DNAH10: variants seen among roughly 807,000 people sequenced by gnomAD.
The protein encoded by DNAH10 is axonemal beta dynein heavy chain 10.
A neutral mutation model predicts 506.6 loss-of-function variants in DNAH10; 348 were observed. The observed-to-expected ratio is 0.69, with a 90% CI of 0.63 to 0.75. The LOEUF (loss-of-function observed/expected upper bound fraction) is 0.75, where lower values mean the gene tolerates loss of function less well. DNAH10 is among the 30% of genes least tolerant of loss of function. The pLI is 0.00. For synonymous variants in DNAH10, 2,059 were observed against 2,198.6 expected, an observed-to-expected ratio of 0.94 and a Z score of 1.78; for missense variants, 5,179 against 5,787.1, an observed-to-expected ratio of 0.89 and a Z score of 3.41.
intron 11 of DNAH10, among the ~76,000 whole-genome samples, chr12:123,793,505 A>AT (rs2136234987): frequency 6.6e-6 from 1 of 152,016 alleles, no homozygotes; most frequent in African/African-American, 2.4e-5. Flanking sequence ...TGCCCGGCTA[A>AT]TTTTTTGTAT....
At chr12:123,783,898 G>T in intron 7 of DNAH10, 49 bp from the exon 8 acceptor site, 1 of 1,527,260 alleles carries the variant, frequency 6.5e-7, no homozygotes, top group Non-Finnish European at 9.0e-7. Flanking sequence ...ATAAGTGTCT[G>T]CTCCACCCTA....
At position 123,873,769 on chromosome 12, in the gene DNAH10, G is replaced by GGT. The variant is rs776832942; in HGVS notation, c.7938+72_7938+73dup. The GGT allele has an allele frequency of 3.9e-4, 588 of 1,515,320 alleles. 5 individuals carry two copies. The South Asian group carries it at 6.5e-3, about 17-fold the overall frequency. 93.9% of individuals were successfully genotyped at this position (1,515,320 alleles called of 1,614,324 possible). On this transcript the variant is annotated intron_variant, in intron 46 of 78. Coordinates refer to ENST00000673944, the MANE Select transcript of DNAH10 (RefSeq NM_001372106.1). ...TCAAGACAGTGCTTGTGTTTGCATG[G>GGT]GTGTGTGTGTGTGTTAGAAGTGAGT...
chr12:123,886,191 A>G (rs2137109410), intron 51 of DNAH10, among the ~76,000 whole-genome samples: 1 of 152,300 alleles, frequency 6.6e-6, no homozygotes, highest in East Asian at 1.9e-4. Flanking sequence ...GTCCAGGTAA[A>G]TCTGAGGCAT....
In DNAH10 at chr12:123,769,544, G is replaced by A. The variant is rs563684683; in HGVS notation, c.298+1855G>A. On this transcript the variant is annotated intron_variant, in intron 2 of 78. Transcript: ENST00000673944. Reference sequence around the variant, plus strand: ...CAGCAATGTCTGCTGAGGTATCCTAGGAAGGCACTCTCGGCTTCGGAGCCC... The same window carrying A: ...CAGCAATGTCTGCTGAGGTATCCTAAGAAGGCACTCTCGGCTTCGGAGCCC... Among the ~76,000 whole-genome samples, 6 of 152,196 alleles carry A rather than the reference G, an allele frequency of 3.9e-5. No homozygotes were observed. In the South Asian group the frequency reaches 1.2e-3, roughly 32 times the overall value.
chr12:123,811,845 G>A (rs1395630594), intron 19 of DNAH10, among the ~76,000 whole-genome samples: 4 of 151,568 alleles, frequency 2.6e-5, no homozygotes, highest in African/African-American at 4.8e-5. Flanking sequence ...CGCTATTTTG[G>A]CCAGGATGGT....
intron 1 of DNAH10, among the ~76,000 whole-genome samples, chr12:123,763,485 G>A (rs1273860779): frequency 6.6e-6 from 1 of 152,068 alleles, no homozygotes; most frequent in Non-Finnish European, 1.5e-5. Context: ...CACTGGGTTC[G>A]GGTGGCAGGG....
intron 40 of DNAH10, among the ~76,000 whole-genome samples, chr12:123,865,743 A>G (rs921964332): frequency 6.6e-6 from 1 of 152,224 alleles, no homozygotes; most frequent in African/African-American, 2.4e-5. Flanking sequence ...TTTATAATAG[A>G]AAAACCAAAA....
chr12:123,933,224 C>A, intron 76 of DNAH10, 107 bp from the exon 77 acceptor site: 1 of 1,133,294 alleles, frequency 8.8e-7, no homozygotes, highest in Non-Finnish European at 1.2e-6. Context: ...TCTTTTGCCA[C>A]TTAGGTGAAA....
At position 123,879,647 on chromosome 12, in the gene DNAH10, T is replaced by C; in HGVS notation, c.8480T>C (p.Ile2827Thr). ...TTCTGTTTCAAGGTACAACAGCACATAGGCAGCTTGGTTGTGGAACATTTT... is the reference window on the plus strand; with the variant it reads ...TTCTGTTTCAAGGTACAACAGCACACAGGCAGCTTGGTTGTGGAACATTTT... ...ETDKQLVQQH[I>T]GSLVVEHFKD... Residue 2827 changes from isoleucine (I) to threonine (T), a missense_variant, in exon 50 of 79, where the codon ATA (isoleucine) becomes ACA (threonine). Ile to Thr is a moderately conservative substitution (Grantham distance 89). Around this residue, in one of 3 missense-constraint regions of DNAH10, gnomAD observed 4,844 missense variants for 5,430.5 expected, o/e 0.89. Coordinates refer to ENST00000673944, the MANE Select transcript of DNAH10 (RefSeq NM_001372106.1). 2 of 1,614,012 alleles carry C rather than the reference T, an allele frequency of 1.2e-6. No individual in the cohort carries two copies. Among genetic ancestry groups the C allele is most frequent in the South Asian group, 1.1e-5 (1 of 91,078 alleles).
At chr12:123,815,175 C>G (rs1416819055) in intron 21 of DNAH10, among the ~76,000 whole-genome samples, 1 of 152,124 alleles carries the variant, frequency 6.6e-6, no homozygotes, top group Non-Finnish European at 1.5e-5. Flanking sequence ...TGAACATGTT[C>G]TCTCTCTCTT....
chr12:123,872,863 G>T (rs1000792270), intron 45 of DNAH10, among the ~76,000 whole-genome samples: 3 of 152,172 alleles, frequency 2.0e-5, no homozygotes, highest in African/African-American at 4.8e-5. Context: ...GGAAACTCTG[G>T]GGAATGGAGC....
At chr12:123,786,494 G>T (rs1313365526) in intron 9 of DNAH10, among the ~76,000 whole-genome samples, 1 of 151,788 alleles carries the variant, frequency 6.6e-6, no homozygotes, top group Non-Finnish European at 1.5e-5. Flanking sequence ...CATACAGCGT[G>T]CTGTCTTTTG....
At position 123,925,861 on chromosome 12, in the gene DNAH10, G is replaced by C. The variant is rs1954919603; in HGVS notation, c.11921+657G>C. 1 of 152,212 alleles carries C rather than the reference G, an allele frequency of 6.6e-6. No homozygotes were observed. The highest frequency in any genetic ancestry group is 2.1e-4 in the South Asian group (1 of 4,830). The allele number at this position is 152,212 out of a possible 1,614,324, so 9.4% of individuals were successfully genotyped here. ...CACAGTGGCTGGATCCTCTGACTCT[G>C]AAAGAAGCTAGGACTTCAGATTTTT... On this transcript the variant is annotated intron_variant, in intron 68 of 78. Transcript: ENST00000673944. This position sits in a 1 kb window ranked among gnomAD's most constrained non-coding sequence, Gnocchi z 4.0.
chr12:123,855,663 T>C (rs1268116503), intron 36 of DNAH10, among the ~76,000 whole-genome samples: 1 of 145,180 alleles, frequency 6.9e-6, no homozygotes, highest in Non-Finnish European at 1.5e-5. Context: ...TAATAAAAAG[T>C]ATATATATAT....
At position 123,853,636 on chromosome 12, in the gene DNAH10, A is replaced by G. The variant is rs2136755685; in HGVS notation, c.6438+284A>G. On this transcript the variant is annotated intron_variant, in intron 36 of 78. Transcript: ENST00000673944. The surrounding 1 kb of genome is among the most constrained non-coding windows in gnomAD (Gnocchi z 4.7). The stretch of plus-strand genomic sequence containing the variant: ...GTAGTCTCAGGATGGGTGTGGCGGA[A>G]GGGTGGGGACTAACAAAATTCTCAT... 6.6e-6 allele frequency among the ~76,000 whole-genome samples: 1 copy of G among 152,268 alleles called. No homozygotes were observed. Among genetic ancestry groups the G allele is most frequent in the South Asian group, 2.1e-4 (1 of 4,824 alleles).
intron 52 of DNAH10, among the ~76,000 whole-genome samples, chr12:123,887,892 C>A (rs1952810191): frequency 6.6e-6 from 1 of 152,072 alleles, no homozygotes; most frequent in Non-Finnish European, 1.5e-5. Flanking sequence ...CTACAGGCAC[C>A]CACCACCATG....
chr12:123,893,521 C>T, intron 53 of DNAH10, 85 bp downstream of exon 53: 7 of 1,516,346 alleles, frequency 4.6e-6, no homozygotes, highest in Non-Finnish European at 6.3e-6. Flanking sequence ...CTCCAGGTTC[C>T]CCCAGCAAAG....
At chr12:123,910,250 T>C (rs1954002414) in intron 58 of DNAH10, among the ~76,000 whole-genome samples, 1 of 152,164 alleles carries the variant, frequency 6.6e-6, no homozygotes, top group African/African-American at 2.4e-5. Flanking sequence ...TGAATTCCAG[T>C]TAGCCACCTG....
In DNAH10 at chr12:123,850,139, C is replaced by T. The variant is rs906583743; in HGVS notation, c.6103-749C>T. 4.6e-5 allele frequency among the ~76,000 whole-genome samples: 7 copies of T among 151,950 alleles called. No homozygotes were observed. Among genetic ancestry groups the T allele is most frequent in the African/African-American group, 1.7e-4 (7 of 41,368 alleles). On this transcript the variant is annotated intron_variant, in intron 34 of 78. Transcript: ENST00000673944. The surrounding 1 kb of genome is among the most constrained non-coding windows in gnomAD (Gnocchi z 5.5). ...GTTTTGGGGGAGGCTGGCTGTCTTC[C>T]GGGCTGCCCTCTCGTTGGTGATGCA... is the stretch of plus-strand genomic sequence containing the variant.
Sources: allele counts gnomAD v4.1 joint callset (sites outside exome capture counted in the v4.1 genomes callset), GRCh38; gene constraint gnomAD v4.1.1; regional missense constraint gnomAD v4.1.1; non-coding constraint Gnocchi (gnomAD v3.1); transcripts MANE v1.5; gene names NCBI Gene and HGNC (gene_info 2026-07-23, HGNC 2026-07-21).